The following PRKG2 variants were observed in gnomAD, a reference collection of about 807,000 sequenced individuals.
The protein encoded by PRKG2 is protein kinase cGMP-dependent 2.
Under a neutral mutation model 97.2 loss-of-function variants are expected in PRKG2, and 33 were observed. The observed-to-expected ratio is 0.34, with a 90% CI of 0.26 to 0.45. The LOEUF (loss-of-function observed/expected upper bound fraction) is 0.45. PRKG2 is among the 20% of genes least tolerant of loss of function. The pLI is 1.00. For missense variants in PRKG2, 638 were observed against 900.0 expected (o/e 0.71, Z 3.73); for synonymous variants, 330 against 321.8 (o/e 1.03, Z -0.27).
At chr4:81,164,279 T>C (rs189443974) in intron 6 of PRKG2, among the ~76,000 whole-genome samples, 75 of 152,284 alleles carry the variant, frequency 4.9e-4, no homozygotes, top group African/African-American at 1.8e-3. Flanking sequence ...CATTGACAGC[T>C]GGTAGAGTGA....
intron 2 of PRKG2, among the ~76,000 whole-genome samples, chr4:81,189,834 C>T (rs556356113): frequency 6.6e-6 from 1 of 152,134 alleles, no homozygotes; most frequent in East Asian, 1.9e-4. Context: ...ACAATTGCTA[C>T]AAAGAGAATA....
chr4:81,128,957 C>A (rs542910137), intron 14 of PRKG2, among the ~76,000 whole-genome samples: 22 of 152,306 alleles, frequency 1.4e-4, no homozygotes, highest in African/African-American at 5.3e-4. Flanking sequence ...CTCCTGTGGG[C>A]ATTTAGTGCT....
At chr4:81,101,157 G>C (rs1305438744) in intron 17 of PRKG2, among the ~76,000 whole-genome samples, 3 of 151,646 alleles carry the variant, frequency 2.0e-5, no homozygotes, top group African/African-American at 7.3e-5. Flanking sequence ...AGTCAGTGTG[G>C]TGATTCCTCA....
chr4:81,197,572 A>G (rs1199652203), intron 2 of PRKG2, among the ~76,000 whole-genome samples: 1 of 152,092 alleles, frequency 6.6e-6, no homozygotes, highest in Non-Finnish European at 1.5e-5. Context: ...TACTAGTGAT[A>G]ACCATGGGCT....
At chr4:81,174,188 C>T (rs1750725830) in intron 3 of PRKG2, among the ~76,000 whole-genome samples, 1 of 151,998 alleles carries the variant, frequency 6.6e-6, no homozygotes, top group Non-Finnish European at 1.5e-5. Flanking sequence ...TCTAAAAACA[C>T]CGGTTTTAAT....
intron 6 of PRKG2, among the ~76,000 whole-genome samples, chr4:81,164,447 C>T (rs1233431926): frequency 6.8e-6 from 1 of 146,660 alleles, no homozygotes; most frequent in Non-Finnish European, 1.5e-5. Context: ...GTTAGGATGA[C>T]AGGAAAAAAA....
chr4:81,135,401 A>G (rs1746585383), intron 13 of PRKG2, 105 bp from the exon 14 acceptor site: 1 of 1,196,726 alleles, frequency 8.4e-7, no homozygotes, highest in Non-Finnish European at 1.1e-6. Flanking sequence ...CAATATAAAT[A>G]TTTTGCAGGG....
chr4:81,128,236 T>C (rs941110919), intron 14 of PRKG2, among the ~76,000 whole-genome samples: 1 of 152,228 alleles, frequency 6.6e-6, no homozygotes, highest in South Asian at 2.1e-4. Flanking sequence ...GGTTTGCCAG[T>C]ACCTTATTGA....
chr4:81,103,294 T>C (rs1237716994), intron 17 of PRKG2, among the ~76,000 whole-genome samples: 1 of 152,162 alleles, frequency 6.6e-6, no homozygotes, highest in Non-Finnish European at 1.5e-5. Flanking sequence ...TATCTCCTAA[T>C]GCTATCCCTC....
chr4:81,171,227 T>C (rs1010472654), intron 4 of PRKG2, among the ~76,000 whole-genome samples: 3 of 151,550 alleles, frequency 2.0e-5, no homozygotes, highest in Non-Finnish European at 4.4e-5. Context: ...TGTGTTCTCA[T>C]TGTCCAACGC....
In PRKG2 at chr4:81,121,728, C is replaced by CT. The variant is rs200587280; in HGVS notation, c.1777-11118dup. ...TAATTTATATCTTCACTCTTTCACT[C>CT]TTTTTTTTTCTTAGTTAATCTGGAT... On this transcript the variant is annotated intron_variant, in intron 14 of 18. Transcript: ENST00000264399. Among the ~76,000 whole-genome samples the CT allele has an allele frequency of 4.6e-4, 69 of 151,408 alleles. No individual in the cohort carries two copies. In the South Asian group the frequency reaches 0.012, roughly 26 times the overall value.
At chr4:81,190,362 A>G (rs555779381) in intron 2 of PRKG2, among the ~76,000 whole-genome samples, 149 of 152,342 alleles carry the variant, frequency 9.8e-4, no homozygotes, top group Non-Finnish European at 1.4e-3. Context: ...TACTTAATAA[A>G]TGGTGTTGGG....
intron 14 of PRKG2, among the ~76,000 whole-genome samples, chr4:81,113,878 G>T (rs549182735): frequency 6.6e-6 from 1 of 152,090 alleles, no homozygotes. Context: ...TGCTACTAAC[G>T]TCCATCCACT....
chr4:81,154,406 C>G (rs1376103140), intron 6 of PRKG2, among the ~76,000 whole-genome samples: 1 of 151,652 alleles, frequency 6.6e-6, no homozygotes, highest in Non-Finnish European at 1.5e-5. Context: ...GTTCTCCCAG[C>G]ACGCAGCTGG....
chr4:81,136,503 T>G (rs1007162843), intron 13 of PRKG2, among the ~76,000 whole-genome samples: 1 of 152,186 alleles, frequency 6.6e-6, no homozygotes, highest in Non-Finnish European at 1.5e-5. Flanking sequence ...CACGTTCTCA[T>G]GTCTTCTGTT....
chr4:81,147,560 C>T (rs1229815913), intron 9 of PRKG2, among the ~76,000 whole-genome samples: 1 of 152,074 alleles, frequency 6.6e-6, no homozygotes, highest in Non-Finnish European at 1.5e-5. Context: ...TTTTCCACAC[C>T]TAAAAATTAA....
chr4:81,089,061 A>G lies in PRKG2; in HGVS notation c.*647T>C, dbSNP rs1003267849. 5 of 152,336 alleles carry G rather than the reference A, an allele frequency of 3.3e-5. No homozygotes were observed. Among genetic ancestry groups the G allele is most frequent in the African/African-American group, 1.2e-4 (5 of 41,586 alleles). 9.4% of individuals were successfully genotyped at this position (152,336 alleles called of 1,614,324 possible). On this transcript the variant is annotated 3_prime_UTR_variant, in exon 19 of 19. Coordinates refer to ENST00000264399, the MANE Select transcript of PRKG2 (RefSeq NM_006259.3). ...TTTTTTTTCTAAGTTCCCCAATAGA[A>G]AATAATTACCTGACTGGATTGATTG...
At chr4:81,142,075 T>C (rs1747352287) in intron 11 of PRKG2, among the ~76,000 whole-genome samples, 1 of 152,208 alleles carries the variant, frequency 6.6e-6, no homozygotes, top group Non-Finnish European at 1.5e-5. Context: ...GAGCCATCTG[T>C]ACCCAGTAAG....
At chr4:81,210,658 C>G (rs937625081) in intron 1 of PRKG2, among the ~76,000 whole-genome samples, 2 of 152,080 alleles carry the variant, frequency 1.3e-5, no homozygotes, top group African/African-American at 4.8e-5. Flanking sequence ...TCTTACAAAG[C>G]TAAATATACT....
Sources: allele counts gnomAD v4.1 joint callset (sites outside exome capture counted in the v4.1 genomes callset), GRCh38; gene constraint gnomAD v4.1.1; transcripts MANE v1.5; gene names NCBI Gene and HGNC (gene_info 2026-07-23, HGNC 2026-07-21).